LIMCH1: variants seen among roughly 807,000 people sequenced by gnomAD.
The protein encoded by LIMCH1 is LIM and calponin homology domains-containing protein 1.
Under a neutral mutation model 176.5 loss-of-function variants are expected in LIMCH1, and 113 were observed. The ratio of observed to expected loss-of-function variants is 0.64; its 90% confidence interval spans 0.55 to 0.75. The LOEUF (loss-of-function observed/expected upper bound fraction) is 0.75, where lower values mean the gene tolerates loss of function less well. Among genes scored for constraint, LIMCH1 ranks in the 30% least tolerant of loss-of-function variants. The pLI is 0.00. For synonymous variants in LIMCH1, 619 were observed against 645.9 expected (o/e 0.96, Z 0.63); for missense variants, 1,674 against 1,814.9 (o/e 0.92, Z 1.41).
chr4:41,672,333 G>A (rs1447092561), intron 22 of LIMCH1, among the ~76,000 whole-genome samples: 5 of 152,068 alleles, frequency 3.3e-5, no homozygotes, highest in Non-Finnish European at 7.4e-5. Context: ...TCACACTACT[G>A]CACTGCAGCC....
intron 2 of LIMCH1, among the ~76,000 whole-genome samples, chr4:41,518,208 C>T (rs2075779136): frequency 2.0e-5 from 3 of 152,136 alleles, no homozygotes; most frequent in South Asian, 4.2e-4. Context: ...CATTACAGTC[C>T]GATAACATAT....
rs2093704227 is a variant in LIMCH1 at position 41,638,918 on chromosome 4, A to T, written c.2091-14A>T. ...AACTCTGCCAGTCCTCTAATTTTTTATTTGATCTTATAGATACGGTCCGAG... is the reference window on the plus strand; with the variant it reads ...AACTCTGCCAGTCCTCTAATTTTTTTTTTGATCTTATAGATACGGTCCGAG... On this transcript the variant is annotated splice_polypyrimidine_tract_variant and intron_variant, in intron 13 of 31. Transcript: ENST00000503057. The T allele has an allele frequency of 6.2e-7, 1 of 1,608,240 alleles. No individual in the cohort carries two copies.
intron 1 of LIMCH1, among the ~76,000 whole-genome samples, chr4:41,478,095 G>A (rs2068022468): frequency 1.3e-5 from 2 of 152,198 alleles, no homozygotes; most frequent in Admixed American, 6.5e-5. Flanking sequence ...TTGAGCTACT[G>A]TGCAAGTTAA....
At chr4:41,432,241 G>T (rs895497590) in intron 1 of LIMCH1, among the ~76,000 whole-genome samples, 1 of 152,324 alleles carries the variant, frequency 6.6e-6, no homozygotes, top group Non-Finnish European at 1.5e-5. Flanking sequence ...TGGATTAATT[G>T]TGGCAGCTAA....
intron 1 of LIMCH1, among the ~76,000 whole-genome samples, chr4:41,418,081 C>T (rs2060099914): frequency 6.6e-6 from 1 of 152,136 alleles, no homozygotes; most frequent in Non-Finnish European, 1.5e-5. Context: ...CTACCCACTA[C>T]TTTTCTTGTT....
At chr4:41,649,821 T>C (rs760772906) in intron 17 of LIMCH1, among the ~76,000 whole-genome samples, 3 of 152,218 alleles carry the variant, frequency 2.0e-5, no homozygotes, top group Non-Finnish European at 4.4e-5. Context: ...GGTCTTTTTT[T>C]CTTTAAAAAA....
intron 2 of LIMCH1, among the ~76,000 whole-genome samples, chr4:41,504,406 G>A (rs2073868882): frequency 6.6e-6 from 1 of 152,202 alleles, no homozygotes; most frequent in Admixed American, 6.5e-5. Context: ...GAGCTCCTGT[G>A]TCTCCACAGG....
At chr4:41,434,062 AC>A (rs1252261785) in intron 1 of LIMCH1, among the ~76,000 whole-genome samples, 8 of 149,194 alleles carry the variant, frequency 5.4e-5, no homozygotes, top group African/African-American at 1.9e-4. Flanking sequence ...ACATAAGAGG[AC>A]AAAATGGTGA....
intron 1 of LIMCH1, among the ~76,000 whole-genome samples, chr4:41,591,701 A>G (rs573985071): frequency 2.0e-5 from 3 of 152,346 alleles, no homozygotes; most frequent in South Asian, 2.1e-4. Context: ...TATATATTGC[A>G]TTTTAAATAT....
intron 1 of LIMCH1, among the ~76,000 whole-genome samples, chr4:41,463,081 C>G (rs2065609468): frequency 6.7e-6 from 1 of 150,088 alleles, no homozygotes; most frequent in Non-Finnish European, 1.5e-5. Flanking sequence ...AATATTTAAC[C>G]AATTGTCTTC....
chr4:41,401,145 T>C (rs1561249660), intron 1 of LIMCH1, among the ~76,000 whole-genome samples: 2 of 152,370 alleles, frequency 1.3e-5, no homozygotes, highest in Admixed American at 6.5e-5. Flanking sequence ...GGTTTTCTTC[T>C]AGGGTTTTTA....
intron 1 of LIMCH1, among the ~76,000 whole-genome samples, chr4:41,490,553 C>G (rs1483699763): frequency 6.6e-6 from 1 of 152,134 alleles, no homozygotes; most frequent in Non-Finnish European, 1.5e-5. Context: ...CCATTTAACC[C>G]TGAGTTGACA....
At chr4:41,575,155 T>A (rs946638887) in intron 1 of LIMCH1, among the ~76,000 whole-genome samples, 1 of 152,246 alleles carries the variant, frequency 6.6e-6, no homozygotes, top group Non-Finnish European at 1.5e-5. Context: ...TTATTCTGAC[T>A]AGTAGCTGTT....
chr4:41,670,818 T>C, intron 21 of LIMCH1: 2 of 1,534,934 alleles, frequency 1.3e-6, no homozygotes, highest in Non-Finnish European at 1.7e-6. Context: ...GGTAGCTGTA[T>C]TTCTTTTGTG....
At chr4:41,624,776 A>G (rs2092830163) in intron 7 of LIMCH1, among the ~76,000 whole-genome samples, 1 of 152,088 alleles carries the variant, frequency 6.6e-6, no homozygotes, top group Non-Finnish European at 1.5e-5. Flanking sequence ...GCTCTTCCTT[A>G]GCTTAAATCA....
intron 1 of LIMCH1, among the ~76,000 whole-genome samples, chr4:41,485,946 A>C (rs545360197): frequency 1.3e-5 from 2 of 152,326 alleles, no homozygotes; most frequent in Admixed American, 1.3e-4. Flanking sequence ...ATTCTGGCTA[A>C]GTTCTGAAGG....
At chr4:41,409,939 T>G (rs1338309498) in intron 1 of LIMCH1, among the ~76,000 whole-genome samples, 1 of 152,246 alleles carries the variant, frequency 6.6e-6, no homozygotes, top group Non-Finnish European at 1.5e-5. Context: ...GCAATCATTT[T>G]GATTTAAATT....
intron 31 of LIMCH1, chr4:41,693,156 GGTC>G (rs1346733848): frequency 2.6e-5 from 4 of 152,086 alleles, no homozygotes; most frequent in Non-Finnish European, 5.9e-5. Context: ...CCTTCTGGTG[GGTC>G]ACCTAGACAG....
intron 21 of LIMCH1, among the ~76,000 whole-genome samples, chr4:41,667,529 G>A (rs541570966): frequency 2.6e-5 from 4 of 152,256 alleles, no homozygotes; most frequent in South Asian, 2.1e-4. Flanking sequence ...ATATAATGTG[G>A]GAAGGGGTTG....
Sources: gnomAD v4.1 joint callset for allele counts (sites outside exome capture counted in the v4.1 genomes callset) on GRCh38, gnomAD v4.1.1 for gene constraint, MANE v1.5 for transcripts, NCBI Gene and HGNC (gene_info 2026-07-23, HGNC 2026-07-21) for gene names.